PRELID2: variants seen among roughly 807,000 people sequenced by gnomAD.
The protein encoded by PRELID2 is PRELI domain containing 2, also known as PRELI domain-containing protein 2.
A neutral mutation model predicts 28.4 loss-of-function variants in PRELID2; 25 were observed. That is an observed-to-expected ratio of 0.88 (90% CI 0.64 to 1.23). The LOEUF (loss-of-function observed/expected upper bound fraction) is 1.23. Among genes scored for constraint, PRELID2 ranks in the 50% most tolerant of loss-of-function variants. The probability of loss-of-function intolerance (pLI) is 0.00; values close to 1 mark genes in which losing one functional copy is unlikely to be tolerated. For synonymous variants in PRELID2, 76 were observed against 71.6 expected (o/e 1.06, Z -0.31); for missense variants, 201 against 214.4 (o/e 0.94, Z 0.39).
intron 1 of PRELID2, among the ~76,000 whole-genome samples, chr5:145,660,763 G>C (rs1561535701): frequency 6.6e-6 from 1 of 152,290 alleles, no homozygotes; most frequent in East Asian, 1.9e-4. Context: ...AGGGAGAACA[G>C]TGTCAAAAGC....
the PRELID2 span, among the ~76,000 whole-genome samples, chr5:145,290,908 T>C: frequency 1.3e-5 from 2 of 151,920 alleles, no homozygotes; most frequent in Non-Finnish European, 2.9e-5. Flanking sequence ...ATATAATCCA[T>C]GCTGTGGGTT....
At chr5:145,755,962 A>G (rs2149755719), downstream of PRELID2, among the ~76,000 whole-genome samples, 1 of 152,332 alleles carries the variant, frequency 6.6e-6, no homozygotes, top group South Asian at 2.1e-4. Context: ...TAAATACGAA[A>G]CAGAAACAAA....
At chr5:145,284,051 G>A in the PRELID2 span, among the ~76,000 whole-genome samples, 1 of 152,082 alleles carries the variant, frequency 6.6e-6, no homozygotes, top group Non-Finnish European at 1.5e-5. Flanking sequence ...CTGTTTTCTA[G>A]GTGCTTGAAT....
chr5:145,613,641 G>A lies in PRELID2; in HGVS notation n.71-140326C>T, dbSNP rs567538430. ...ATTTGTATATCTTCTTTTGAGAATT[G>A]TCTATTCTTAACCCACTTCTTGACA... On this transcript the variant is annotated intron_variant and non_coding_transcript_variant, in intron 1 of 2. Transcript: ENST00000510259. 7.9e-4 allele frequency among the ~76,000 whole-genome samples: 120 copies of A among 152,104 alleles called. 6 individuals are homozygous for A. The South Asian group carries it at 0.025, about 31-fold the overall frequency.
the PRELID2 span, among the ~76,000 whole-genome samples, chr5:145,343,487 A>G: frequency 9.2e-5 from 14 of 152,024 alleles, no homozygotes; most frequent in African/African-American, 2.9e-4. Context: ...AAAAAACATA[A>G]CATGTCAAAA....
At chr5:145,551,237 C>A (rs1657352502) in intron 1 of PRELID2, among the ~76,000 whole-genome samples, 4 of 151,860 alleles carry the variant, frequency 2.6e-5, no homozygotes, top group Admixed American at 6.6e-5. Context: ...CTTGTCTCTA[C>A]TAAAAATACA....
chr5:145,232,989 G>A, the PRELID2 span, among the ~76,000 whole-genome samples: 5 of 135,304 alleles, frequency 3.7e-5, no homozygotes, highest in South Asian at 8.4e-4. Context: ...ATATACGTGT[G>A]TGTGTGTGGA....
the PRELID2 span, among the ~76,000 whole-genome samples, chr5:145,332,104 T>A: frequency 6.6e-6 from 1 of 152,200 alleles, no homozygotes; most frequent in Admixed American, 6.5e-5. Flanking sequence ...CCCACTCTAT[T>A]CTGGCTTGTA....
chr5:145,640,171 T>G (rs147794651), intron 1 of PRELID2, among the ~76,000 whole-genome samples: 145 of 152,182 alleles, frequency 9.5e-4, no homozygotes, highest in African/African-American at 3.4e-3. Flanking sequence ...TGAAACCCCG[T>G]CTGTACTGAA....
chr5:145,566,279 C>T (rs915889381), intron 1 of PRELID2, among the ~76,000 whole-genome samples: 5 of 152,122 alleles, frequency 3.3e-5, no homozygotes, highest in African/African-American at 4.8e-5. Context: ...CAAACCAAAA[C>T]CCATCTACCT....
At chr5:145,512,688 G>C (rs1230348500) in intron 1 of PRELID2, among the ~76,000 whole-genome samples, 1 of 152,216 alleles carries the variant, frequency 6.6e-6, no homozygotes, top group Non-Finnish European at 1.5e-5. Context: ...CCTCCTGTCT[G>C]AGAGACACTT....
the PRELID2 span, among the ~76,000 whole-genome samples, chr5:145,435,463 G>T: frequency 1.3e-5 from 2 of 152,166 alleles, no homozygotes; most frequent in African/African-American, 4.8e-5. Context: ...GATGGGGAGA[G>T]TGGGGTCCCG....
the PRELID2 span, among the ~76,000 whole-genome samples, chr5:145,382,425 C>T: frequency 1.9e-3 from 283 of 151,882 alleles, 6 homozygotes; most frequent in East Asian, 0.042. Flanking sequence ...GCAAATGAAA[C>T]ATTTTATAGT....
At chr5:145,817,220 A>AATATATATATATATATATATAT (rs1188735131) in intron 4 of PRELID2, among the ~76,000 whole-genome samples, 14 of 66,400 alleles carry the variant, frequency 2.1e-4, no homozygotes, top group African/African-American at 4.1e-4. Context: ...AATAAAAAAA[A>AATATATATATATATATATATAT]ATATATATAT....
chr5:145,400,683 G>C, the PRELID2 span, among the ~76,000 whole-genome samples: 1 of 152,062 alleles, frequency 6.6e-6, no homozygotes, highest in Non-Finnish European at 1.5e-5. Context: ...ACCAGTCTGT[G>C]GGAAGGAGGG....
At chr5:145,606,237 T>G (rs1753503099) in intron 1 of PRELID2, among the ~76,000 whole-genome samples, 1 of 152,166 alleles carries the variant, frequency 6.6e-6, no homozygotes, top group Non-Finnish European at 1.5e-5. Flanking sequence ...ACATCCTCTC[T>G]TCCTATCTGG....
At chr5:145,349,533 T>A in the PRELID2 span, among the ~76,000 whole-genome samples, 1,149 of 152,206 alleles carry the variant, frequency 7.5e-3, 12 homozygotes, top group African/African-American at 0.025. Context: ...AGGATAATTG[T>A]TTCTTGAAAC....
chr5:145,572,196 C>A (rs796732526), intron 1 of PRELID2, among the ~76,000 whole-genome samples: 7 of 152,180 alleles, frequency 4.6e-5, no homozygotes, highest in African/African-American at 1.7e-4. Flanking sequence ...CTCCAGTGAC[C>A]TGGACACCCC....
chr5:145,520,491 T>A (rs1166958926), intron 1 of PRELID2, among the ~76,000 whole-genome samples: 1 of 152,096 alleles, frequency 6.6e-6, no homozygotes, highest in East Asian at 1.9e-4. Context: ...CAACACACAG[T>A]GTTGTGCCTC....
Sources: allele counts gnomAD v4.1 joint callset (sites outside exome capture counted in the v4.1 genomes callset), GRCh38; gene constraint gnomAD v4.1.1; transcripts MANE v1.5; gene names NCBI Gene and HGNC (gene_info 2026-07-23, HGNC 2026-07-21).